Variants in RAPH1 observed in about 807,000 individuals in gnomAD.
RAPH1 encodes the protein ras-associated and pleckstrin homology domains-containing protein 1.
RAPH1 carries 18 observed loss-of-function variants against 88.1 expected under a neutral mutation model. The observed-to-expected ratio is 0.20, with a 90% CI of 0.14 to 0.30. The LOEUF is 0.30. RAPH1 is among the 10% of genes least tolerant of loss of function. RAPH1 has a pLI of 1.00. For synonymous variants in RAPH1, 587 were observed against 559.0 expected, an observed-to-expected ratio of 1.05 and a Z score of -0.71; for missense variants, 1,448 against 1,543.2, an observed-to-expected ratio of 0.94 and a Z score of 1.03.
At chr2:203,510,187 A>G (rs555509600) in intron 1 of RAPH1, among the ~76,000 whole-genome samples, 1 of 152,156 alleles carries the variant, frequency 6.6e-6, no homozygotes, top group South Asian at 2.1e-4. Flanking sequence ...GATAAAAGAT[A>G]CATTTAATAC....
At chr2:203,485,365 T>C (rs1330556195) in intron 4 of RAPH1, among the ~76,000 whole-genome samples, 7 of 147,616 alleles carry the variant, frequency 4.7e-5, no homozygotes, top group African/African-American at 1.5e-4. Flanking sequence ...GAGCTGAGAT[T>C]GCGCCACTGC....
At chr2:203,482,059 A>G (rs1158415034) in intron 4 of RAPH1, among the ~76,000 whole-genome samples, 1 of 151,806 alleles carries the variant, frequency 6.6e-6, no homozygotes, top group African/African-American at 2.4e-5. Context: ...CAACAATAAG[A>G]GTCAAGGCAT....
At chr2:203,529,168 C>T (rs981230418) in intron 1 of RAPH1, among the ~76,000 whole-genome samples, 1 of 151,306 alleles carries the variant, frequency 6.6e-6, no homozygotes, top group Non-Finnish European at 1.5e-5. Context: ...TTTGTAGAGA[C>T]AGGGTTTTGC....
Position 203,440,772 on chromosome 2 carries a change from A to C in RAPH1, c.2418T>G (p.Pro806=), listed in dbSNP as rs1223668016. The part of the protein sequence containing the change: ...PVVTQAAPPT[P]TPPVPPAKKQ... ...TTTTTGCTGGGGGCACTGGAGGAGT[A>C]GGTGTGGGTGGTGCAGCTTGAGTCA... Residue 806 remains proline, a synonymous_variant, in exon 14 of 14, where the codon CCT becomes CCG. Coordinates refer to ENST00000319170, the MANE Select transcript of RAPH1 (RefSeq NM_213589.3). 2 of 1,575,136 alleles carry C rather than the reference A, an allele frequency of 1.3e-6. No individual in the cohort carries two copies. The highest frequency in any genetic ancestry group is 2.2e-5 in the South Asian group (2 of 89,806).
intron 10 of RAPH1, among the ~76,000 whole-genome samples, chr2:203,449,639 T>G (rs146598884): frequency 6.6e-6 from 1 of 152,236 alleles, no homozygotes; most frequent in Admixed American, 6.5e-5. Context: ...TAATGACTTA[T>G]GAACACCACA....
intron 1 of RAPH1, among the ~76,000 whole-genome samples, chr2:203,504,511 C>T (rs1018540425): frequency 5.3e-5 from 8 of 152,150 alleles, no homozygotes; most frequent in African/African-American, 1.4e-4. Flanking sequence ...GCCCGGCCCA[C>T]GAAACCACTT....
intron 13 of RAPH1, chr2:203,442,081 C>T (rs772547319): frequency 2.6e-5 from 41 of 1,595,118 alleles, no homozygotes; most frequent in Non-Finnish European, 3.5e-5. Flanking sequence ...ATTTGTTTTA[C>T]TGGAAAATAC....
At chr2:203,508,369 G>A (rs1030727756) in intron 1 of RAPH1, among the ~76,000 whole-genome samples, 8 of 152,042 alleles carry the variant, frequency 5.3e-5, no homozygotes, top group African/African-American at 1.9e-4. Flanking sequence ...CCAACCTCAG[G>A]TGATCCGCCT....
At chr2:203,507,687 A>C (rs1224960707) in intron 1 of RAPH1, among the ~76,000 whole-genome samples, 2 of 152,244 alleles carry the variant, frequency 1.3e-5, no homozygotes, top group Admixed American at 6.5e-5. Context: ...AGAAAGGCTA[A>C]GGAAATGTTC....
intron 4 of RAPH1, among the ~76,000 whole-genome samples, chr2:203,467,092 G>C (rs996817434): frequency 6.6e-6 from 1 of 152,166 alleles, no homozygotes; most frequent in Non-Finnish European, 1.5e-5. Flanking sequence ...AACTTGGAAA[G>C]ATATAAACAG....
intron 1 of RAPH1, among the ~76,000 whole-genome samples, chr2:203,529,555 G>C (rs1581420072): frequency 6.6e-6 from 1 of 151,992 alleles, no homozygotes; most frequent in African/African-American, 2.4e-5. Context: ...TAGAGATGGG[G>C]TTTCTCTATG....
chr2:203,529,523 G>C lies in RAPH1; in HGVS notation c.-1+5588C>G, dbSNP rs571484741. On this transcript the variant is annotated intron_variant, in intron 1 of 13. Transcript: ENST00000319170. ...ATTACAGGCATGCGCCACCACGCCC[G>C]ACTAATTTTTTGTATTTTTAGTAGA... Among the ~76,000 whole-genome samples the C allele has an allele frequency of 5.3e-5, 8 of 152,078 alleles. No individual in the cohort carries two copies. In the South Asian group the frequency reaches 1.2e-3, roughly 24 times the overall value.
chr2:203,489,992 A>C lies in RAPH1; in HGVS notation c.324T>G (p.Ser108Arg), dbSNP rs371363652. 2 of 1,614,232 alleles carry C rather than the reference A, an allele frequency of 1.2e-6. No individual in the cohort carries two copies. The highest frequency in any genetic ancestry group is 1.7e-6 in the Non-Finnish European group (2 of 1,180,032). ...QELSSIGSGN[S>R]KRQITETKAT... ...CTTTCGTTTCTGTGATTTGACGCTT[A>C]CTGTTTCCTGAACCAATGCTGCTGA... is the stretch of plus-strand genomic sequence containing the variant. Residue 108 changes from serine to arginine, a missense_variant, in exon 4 of 14, where the codon AGT (serine) becomes AGG (arginine). This residue lies in a region of RAPH1 where 513 missense variants were observed against 653.1 expected (regional missense o/e 0.79). Transcript: ENST00000319170.
At chr2:203,488,895 G>A (rs922969516) in intron 4 of RAPH1, among the ~76,000 whole-genome samples, 11 of 152,072 alleles carry the variant, frequency 7.2e-5, no homozygotes, top group Non-Finnish European at 1.2e-4. Context: ...AGGCCAAGGC[G>A]GTTGGATCAC....
intron 1 of RAPH1, among the ~76,000 whole-genome samples, chr2:203,515,184 G>T (rs1247935638): frequency 6.6e-6 from 1 of 152,016 alleles, no homozygotes; most frequent in Non-Finnish European, 1.5e-5. Flanking sequence ...TATTTTATAG[G>T]CTACTTATAA....
At chr2:203,484,781 T>C (rs1172223082) in intron 4 of RAPH1, among the ~76,000 whole-genome samples, 1 of 152,230 alleles carries the variant, frequency 6.6e-6, no homozygotes, top group African/African-American at 2.4e-5. Flanking sequence ...TTCCCTCTTT[T>C]ACTCACTCAC....
At chr2:203,494,206 G>C (rs182744406) in intron 2 of RAPH1, among the ~76,000 whole-genome samples, 315 of 151,970 alleles carry the variant, frequency 2.1e-3, no homozygotes, top group African/African-American at 7.4e-3. Context: ...TCATACCTAC[G>C]CAATTTTACA....
chr2:203,523,217 C>T (rs1447969136), intron 1 of RAPH1, among the ~76,000 whole-genome samples: 1 of 151,824 alleles, frequency 6.6e-6, no homozygotes, highest in Non-Finnish European at 1.5e-5. Flanking sequence ...CACGGTTAAA[C>T]CCCGTCTCTA....
Position 203,440,115 on chromosome 2 carries a change from G to T in RAPH1, c.3075C>A (p.Pro1025=), listed in dbSNP as rs375572548. The change falls in exon 14 of 14, where the codon CCC becomes CCA. Residue 1025 remains proline, a synonymous_variant. Coordinates refer to ENST00000319170, the MANE Select transcript of RAPH1 (RefSeq NM_213589.3). ...KETLPPPAAP[P]KPGKLNLSGV... ...CAGAAAGATTGAGTTTTCCAGGCTT[G>T]GGGGGTGCTGCAGGAGGTGGTAGGG... 3 of 1,613,410 alleles carry T rather than the reference G, an allele frequency of 1.9e-6. No individual in the cohort carries two copies. Among genetic ancestry groups the T allele is most frequent in the Non-Finnish European group, 2.5e-6 (3 of 1,179,912 alleles).
Sources: allele counts gnomAD v4.1 joint callset (sites outside exome capture counted in the v4.1 genomes callset), GRCh38; gene constraint gnomAD v4.1.1; regional missense constraint gnomAD v4.1.1; transcripts MANE v1.5; gene names NCBI Gene and HGNC (gene_info 2026-07-23, HGNC 2026-07-21).